NAV2: variants seen among roughly 807,000 people sequenced by gnomAD.
The protein encoded by NAV2 is neuron navigator 2, also known as helicase, APC down-regulated 1.
Under a neutral mutation model 223.2 loss-of-function variants are expected in NAV2, and 54 were observed. That is an observed-to-expected ratio of 0.24 (90% CI 0.19 to 0.30). NAV2 has a LOEUF of 0.30. Among genes scored for constraint, NAV2 ranks in the 10% least tolerant of loss-of-function variants. NAV2 has a pLI of 1.00. For missense variants in NAV2, 2,806 were observed against 3,147.5 expected (o/e 0.89, Z 2.60); for synonymous variants, 1,279 against 1,239.3 (o/e 1.03, Z -0.67).
intron 1 of NAV2, chr11:19,380,353 A>T (rs1848795756): frequency 6.6e-6 from 1 of 152,170 alleles, no homozygotes; most frequent in South Asian, 2.1e-4. Flanking sequence ...AAAAGTCTGG[A>T]AGACACTAGC....
At chr11:19,827,672 G>T (rs975379587) in intron 1 of NAV2, among the ~76,000 whole-genome samples, 2 of 152,138 alleles carry the variant, frequency 1.3e-5, no homozygotes, top group Admixed American at 6.5e-5. Context: ...AGGCTGCCTT[G>T]ACTGAAGTGT....
chr11:19,615,702 A>G (rs2046770688), intron 1 of NAV2, among the ~76,000 whole-genome samples: 1 of 152,186 alleles, frequency 6.6e-6, no homozygotes, highest in Non-Finnish European at 1.5e-5. Flanking sequence ...TGGCGATGAA[A>G]TGATTCATGT....
chr11:19,689,180 T>C (rs925543657), intron 1 of NAV2, among the ~76,000 whole-genome samples: 1 of 152,206 alleles, frequency 6.6e-6, no homozygotes, highest in Non-Finnish European at 1.5e-5. Context: ...GTGACAATGC[T>C]GGGACAGAGT....
intron 6 of NAV2, among the ~76,000 whole-genome samples, chr11:19,895,104 C>CTTTTTTTTTTTTTTTTTTTTT (rs71050690): frequency 2.3e-4 from 23 of 99,208 alleles, no homozygotes; most frequent in African/African-American, 4.4e-4. Context: ...CTTTTTCTTT[C>CTTTTTTTTTTTTTTTTTTTTT]TTTTTTTTTT....
chr11:19,613,228 A>C (rs1436594521), intron 1 of NAV2, among the ~76,000 whole-genome samples: 2 of 152,070 alleles, frequency 1.3e-5, no homozygotes, highest in Non-Finnish European at 2.9e-5. Context: ...TGGTGGGGAC[A>C]CAGCCAAATC....
Position 19,934,116 on chromosome 11 carries a change from A to T in NAV2, c.1872A>T (p.Pro624=). ...TGGCGTCCTCAGAAGGAAAAGGCCC[A>T]GGAGGGACCACCCTGAACCACAGCA... The part of the protein sequence containing the change: ...SSLASSEGKG[P]GGTTLNHSIS... Residue 624 remains proline (P), a synonymous_variant, in exon 7 of 38, where the codon CCA becomes CCT. Transcript: ENST00000349880. 5.0e-6 allele frequency: 8 copies of T among 1,614,102 alleles called. No homozygotes were observed. The highest frequency in any genetic ancestry group is 6.8e-6 in the Non-Finnish European group (8 of 1,179,994).
intron 1 of NAV2, among the ~76,000 whole-genome samples, chr11:19,596,712 T>C (rs1316168589): frequency 6.6e-6 from 1 of 152,192 alleles, no homozygotes; most frequent in Non-Finnish European, 1.5e-5. Context: ...GCTTTCATTA[T>C]TACAAAACCT....
chr11:19,554,096 G>A (rs1197380424), intron 1 of NAV2, among the ~76,000 whole-genome samples: 4 of 152,234 alleles, frequency 2.6e-5, no homozygotes, highest in African/African-American at 7.2e-5. Flanking sequence ...TAAGCCAGGA[G>A]GCAACACAAA....
intron 1 of NAV2, among the ~76,000 whole-genome samples, chr11:19,604,871 A>G (rs531312999): frequency 7.6e-4 from 115 of 152,262 alleles, no homozygotes; most frequent in African/African-American, 2.7e-3. Flanking sequence ...GGTTTTAAAA[A>G]TGGGACTTTC....
At chr11:20,056,727 G>A (rs1432325618) in intron 19 of NAV2, 2 of 784,728 alleles carry the variant, frequency 2.5e-6, no homozygotes, top group Non-Finnish European at 4.5e-6. Flanking sequence ...CCAATGATAA[G>A]AATAGGAGTC....
intron 1 of NAV2, among the ~76,000 whole-genome samples, chr11:19,723,959 T>C (rs992968139): frequency 6.6e-6 from 1 of 152,248 alleles, no homozygotes; most frequent in Middle Eastern, 3.2e-3. Context: ...CTTTGATCGT[T>C]AGAAGACAAG....
chr11:19,649,331 C>T (rs1590035172), intron 1 of NAV2, among the ~76,000 whole-genome samples: 2 of 152,144 alleles, frequency 1.3e-5, no homozygotes, highest in Non-Finnish European at 2.9e-5. Context: ...GATTATTACT[C>T]CTGTGTTTCA....
chr11:20,019,546 A>T lies in NAV2; in HGVS notation c.2769-16413A>T, dbSNP rs146075647. ...AGTATTTGAAGCCATGGATGAGATC[A>T]CCCAGGAAAAGAAGTTAGTTAGAAG... On this transcript the variant is annotated intron_variant, in intron 11 of 37. Transcript: ENST00000349880. Among the ~76,000 whole-genome samples the T allele has an allele frequency of 5.6e-4, 85 of 152,248 alleles. 2 individuals are homozygous for T. In the East Asian group the frequency reaches 0.016, roughly 28 times the overall value.
intron 25 of NAV2, among the ~76,000 whole-genome samples, chr11:20,080,870 ACT>A (rs2060049047): frequency 6.6e-6 from 1 of 151,686 alleles, no homozygotes. Context: ...GGTTTTTTCC[ACT>A]CTCCCAGAAA....
chr11:20,032,085 C>T (rs2055818266), intron 11 of NAV2, among the ~76,000 whole-genome samples: 1 of 152,168 alleles, frequency 6.6e-6, no homozygotes, highest in South Asian at 2.1e-4. Context: ...ATGAACTTGC[C>T]AGTATCCCAG....
intron 1 of NAV2, among the ~76,000 whole-genome samples, chr11:19,359,481 G>A (rs1176969093): frequency 6.6e-6 from 1 of 152,158 alleles, no homozygotes; most frequent in East Asian, 1.9e-4. Context: ...ACCCAAAAGG[G>A]GATGTACTGA....
At chr11:19,980,398 C>A (rs1455068106) in intron 10 of NAV2, among the ~76,000 whole-genome samples, 2 of 152,180 alleles carry the variant, frequency 1.3e-5, no homozygotes, top group Non-Finnish European at 2.9e-5. Flanking sequence ...TTTATCTCTC[C>A]AAGGAGAAGG....
chr11:20,091,981 G>A (rs975123298), intron 27 of NAV2, among the ~76,000 whole-genome samples: 3 of 152,138 alleles, frequency 2.0e-5, no homozygotes, highest in African/African-American at 7.2e-5. Context: ...GCATTTCAGA[G>A]GTCTTTTCAA....
chr11:19,541,704 CA>C, intron 1 of NAV2, among the ~76,000 whole-genome samples: 1 of 152,330 alleles, frequency 6.6e-6, no homozygotes, highest in Middle Eastern at 3.4e-3. Context: ...GGACATGCCA[CA>C]TGCCAAAATG....
Sources: allele counts gnomAD v4.1 joint callset (sites outside exome capture counted in the v4.1 genomes callset), GRCh38; gene constraint gnomAD v4.1.1; transcripts MANE v1.5; gene names NCBI Gene and HGNC (gene_info 2026-07-23, HGNC 2026-07-21).